Variants in PAPOLA observed in about 807,000 individuals in gnomAD.
The protein encoded by PAPOLA is polynucleotide adenylyltransferase alpha.
In PAPOLA, 15 loss-of-function variants were observed where a neutral mutation model predicts 100.6. That is an observed-to-expected ratio of 0.15 (90% confidence interval 0.10 to 0.23). The LOEUF is 0.23. PAPOLA is among the 10% of genes least tolerant of loss of function. PAPOLA has a pLI of 1.00. For missense variants in PAPOLA, 533 were observed against 884.2 expected (o/e 0.60, Z 5.04); for synonymous variants, 293 against 300.0 (o/e 0.98, Z 0.24).
Position 96,565,266 on chromosome 14 carries a change from A to G in PAPOLA, c.*216A>G. 2.4e-6 allele frequency: 1 copy of G among 424,418 alleles called. No homozygotes were observed. Among genetic ancestry groups the G allele is most frequent in the Non-Finnish European group, 4.2e-6 (1 of 235,416 alleles). 26.3% of individuals were successfully genotyped at this position (424,418 alleles called of 1,614,324 possible). On this transcript the variant is annotated 3_prime_UTR_variant, in exon 22 of 22. Transcript: ENST00000216277. The stretch of plus-strand genomic sequence containing the variant: ...TTATTATTGTGTTAGCAACAGTTGC[A>G]TTAACTATTTCAAAAATTACTGCCT...
At position 96,502,561 on chromosome 14, in the gene PAPOLA, G is replaced by T; in HGVS notation, c.-32G>T. The T allele has an allele frequency of 1.3e-6, 2 of 1,539,050 alleles. No individual in the cohort carries two copies. The highest frequency in any genetic ancestry group is 1.2e-5 in the South Asian group (1 of 82,656). ...CGGCAGCGGCGGCGGTTGCGGGGGG[G>T]AAGTGACTGGGCGGTGCCGGCGCCG... is the stretch of plus-strand genomic sequence containing the variant. On this transcript the variant is annotated 5_prime_UTR_variant, in exon 1 of 22. Coordinates refer to ENST00000216277, the MANE Select transcript of PAPOLA (RefSeq NM_032632.5).
intron 6 of PAPOLA, 51 bp from the exon 7 acceptor site, chr14:96,531,424 G>A: frequency 7.3e-7 from 1 of 1,363,818 alleles, no homozygotes; most frequent in Non-Finnish European, 1.0e-6. Flanking sequence ...TCATAGAAAT[G>A]CCTTAAAAGT....
intron 20 of PAPOLA, chr14:96,562,609 T>C (rs1901948314): frequency 2.7e-6 from 1 of 375,590 alleles, no homozygotes; most frequent in Non-Finnish European, 4.9e-6. Context: ...TTATAAGATT[T>C]AAGTAGGCAA....
At position 96,552,548 on chromosome 14, in the gene PAPOLA, T is replaced by C. The variant is rs775539262; in HGVS notation, c.1590T>C (p.Asp530=). The change falls in exon 17 of 22, where the codon GAT becomes GAC. Residue 530 remains aspartate, a synonymous_variant. Transcript: ENST00000216277. ...GCCTCGACTTGTCTATGGACAGTGA[T>C]AACAGCATGTCTGTGCCTTCACCTA... ...DSSLDLSMDS[D]NSMSVPSPTS... is the part of the protein sequence containing the mutation. 1.9e-5 allele frequency: 31 copies of C among 1,613,814 alleles called. No individual in the cohort carries two copies. The East Asian group carries it at 2.7e-4, about 14-fold the overall frequency.
chr14:96,517,336 C>CA (rs1897547334), intron 1 of PAPOLA, among the ~76,000 whole-genome samples: 1 of 152,104 alleles, frequency 6.6e-6, no homozygotes, highest in Admixed American at 6.6e-5. Context: ...ATGTGGTAAG[C>CA]GTACTTTGTA....
At chr14:96,527,358 A>G in intron 4 of PAPOLA, 72 bp from the exon 5 acceptor site, 1 of 879,500 alleles carries the variant, frequency 1.1e-6, no homozygotes, top group Non-Finnish European at 1.9e-6. Flanking sequence ...AACATCAAAT[A>G]CTACCATGAT....
At chr14:96,560,109 A>G (rs1282189405) in intron 19 of PAPOLA, among the ~76,000 whole-genome samples, 2 of 152,154 alleles carry the variant, frequency 1.3e-5, no homozygotes, top group African/African-American at 2.4e-5. Context: ...TGCTGAGAAA[A>G]TAGTGTCAAA....
In PAPOLA at chr14:96,521,039, A is replaced by G. The variant is rs764056345; in HGVS notation, c.216A>G (p.Val72=). 64 of 1,561,042 alleles carry G rather than the reference A, an allele frequency of 4.1e-5. No individual in the cohort carries two copies. The highest frequency in any genetic ancestry group is 1.4e-4 in the Admixed American group (8 of 59,142). Residue 72 remains valine (V), a synonymous_variant, in exon 3 of 22, where the codon GTA becomes GTG. Coordinates refer to ENST00000216277, the MANE Select transcript of PAPOLA (RefSeq NM_032632.5). The part of the protein sequence containing the change: ...ILILGKLNNL[V]KEWIREISES... ...TTTTGGGAAAACTAAATAACCTGGT[A>G]AAAGAGTGGATACGAGAAATCAGTG... is the stretch of plus-strand genomic sequence containing the variant.
At chr14:96,537,130 A>G in intron 12 of PAPOLA, 70 bp downstream of exon 12, 1 of 865,354 alleles carries the variant, frequency 1.2e-6, no homozygotes, top group East Asian at 2.5e-5. Context: ...ACATTATGAC[A>G]TTTCTTCTTG....
chr14:96,538,360 TTAA>T (rs1254145569), intron 12 of PAPOLA, among the ~76,000 whole-genome samples: 2 of 152,026 alleles, frequency 1.3e-5, no homozygotes, highest in East Asian at 1.9e-4. Context: ...TGAACAAACC[TTAA>T]TAATGTCATT....
Position 96,502,529 on chromosome 14 carries a change from C to T in PAPOLA, c.-64C>T. 7.3e-7 allele frequency: 1 copy of T among 1,363,184 alleles called. No individual in the cohort carries two copies. Among genetic ancestry groups the T allele is most frequent in the East Asian group, 2.5e-5 (1 of 39,530 alleles). The allele number at this position is 1,363,184 out of a possible 1,614,324, so 84.4% of individuals were successfully genotyped here. A position where few individuals can be genotyped will look rare whatever the true frequency, so the allele number is the denominator to read the frequency against. On this transcript the variant is annotated 5_prime_UTR_variant, in exon 1 of 22. Coordinates refer to ENST00000216277, the MANE Select transcript of PAPOLA (RefSeq NM_032632.5). ...CTCCCTCCCGCCTCAGTGGATCATG[C>T]CCAGGGCGGCAGCGGCGGCGGTTGC...
At chr14:96,531,892 C>G in intron 7 of PAPOLA, 5 of 1,356,886 alleles carry the variant, frequency 3.7e-6, no homozygotes, top group Non-Finnish European at 4.7e-6. Flanking sequence ...TAATTTTGAT[C>G]CTGTTATTCT....
At chr14:96,503,009 C>G in intron 1 of PAPOLA, 1 of 207,910 alleles carries the variant, frequency 4.8e-6, no homozygotes, top group Non-Finnish European at 9.6e-6. Context: ...TTCGGGCTCG[C>G]TCTCGGCGCC....
At chr14:96,533,640 T>C (rs1595530286) in intron 9 of PAPOLA, 12 of 540,048 alleles carry the variant, frequency 2.2e-5, no homozygotes, top group South Asian at 8.1e-5. Context: ...CTGCAAGCTC[T>C]GCCTCCTGGA....
intron 15 of PAPOLA, among the ~76,000 whole-genome samples, chr14:96,547,032 T>C (rs915177928): frequency 2.6e-5 from 4 of 152,170 alleles, no homozygotes; most frequent in Non-Finnish European, 4.4e-5. Flanking sequence ...CTACGTGGTT[T>C]TTCTCAGTAA....
chr14:96,507,681 TG>T (rs1335455279), intron 1 of PAPOLA, among the ~76,000 whole-genome samples: 1 of 152,200 alleles, frequency 6.6e-6, no homozygotes, highest in African/African-American at 2.4e-5. Flanking sequence ...TAGTGGATAT[TG>T]GTAAGCATAA....
At chr14:96,541,115 C>T (rs1899952282) in intron 12 of PAPOLA, among the ~76,000 whole-genome samples, 1 of 152,106 alleles carries the variant, frequency 6.6e-6, no homozygotes, top group East Asian at 1.9e-4. Flanking sequence ...GGTCTCATCT[C>T]CTGACCTTGT....
At chr14:96,528,144 AG>A in intron 6 of PAPOLA, 138 bp downstream of exon 6, 1 of 601,102 alleles carries the variant, frequency 1.7e-6, no homozygotes, top group Non-Finnish European at 3.1e-6. Flanking sequence ...TTTAAATGGA[AG>A]TGACTGCCTA....
chr14:96,520,301 T>A, intron 2 of PAPOLA, 73 bp downstream of exon 2: 1 of 1,140,152 alleles, frequency 8.8e-7, no homozygotes, highest in South Asian at 1.5e-5. Context: ...TTTGAGGCAT[T>A]CTCTACTTAC....
Sources: allele counts gnomAD v4.1 joint callset (sites outside exome capture counted in the v4.1 genomes callset), GRCh38; gene constraint gnomAD v4.1.1; transcripts MANE v1.5; gene names NCBI Gene and HGNC (gene_info 2026-07-23, HGNC 2026-07-21).